The following APC variants were observed in gnomAD, a reference collection of about 807,000 sequenced individuals.
APC encodes the protein adenomatous polyposis coli protein.
In APC, 72 loss-of-function variants were observed where a neutral mutation model predicts 247.0. The ratio of observed to expected loss-of-function variants is 0.29; its 90% CI spans 0.24 to 0.35. APC has a LOEUF of 0.35. Among genes scored for constraint, APC ranks in the 10% least tolerant of loss-of-function variants. The pLI is 1.00. For missense variants in APC, 3,400 were observed against 3,360.7 expected (o/e 1.01, Z -0.29); for synonymous variants, 1,254 against 1,162.5 (o/e 1.08, Z -1.60).
At position 112,819,303 on chromosome 5, in the gene APC, A is replaced by G. The variant is rs2149783544; in HGVS notation, c.1271A>G (p.Gln424Arg). ...TACTGTGAAACCTGTTGGGAGTGGCAGGAAGCTCATGAACCAGGCATGGAC... is the reference window on the plus strand; with the variant it reads ...TACTGTGAAACCTGTTGGGAGTGGCGGGAAGCTCATGAACCAGGCATGGAC... ...RAYCETCWEW[Q>R]EAHEPGMDQD... The change falls in exon 10 of 16, where the codon CAG (glutamine) becomes CGG (arginine). Residue 424 changes from glutamine to arginine, a missense_variant. Gln to Arg is a conservative substitution (Grantham distance 43). Around this residue, in one of 9 missense-constraint regions of APC, gnomAD observed 199 missense variants for 212.5 expected, o/e 0.94. Coordinates refer to ENST00000257430, the MANE Select transcript of APC (RefSeq NM_000038.6). The G allele has an allele frequency of 6.2e-7, 1 of 1,614,102 alleles. No individual in the cohort carries two copies. The highest frequency in any genetic ancestry group is 8.5e-7 in the Non-Finnish European group (1 of 1,179,980).
intron 1 of APC, among the ~76,000 whole-genome samples, chr5:112,726,215 T>A (rs1215022998): frequency 6.6e-6 from 1 of 152,224 alleles, no homozygotes; most frequent in Non-Finnish European, 1.5e-5. Context: ...GTTAACCAGC[T>A]AAGTACCCTC....
In APC at chr5:112,801,286, C is replaced by G. The variant is rs754667638; in HGVS notation, c.737C>G (p.Ser246Cys). 7 of 1,612,448 alleles carry G rather than the reference C, an allele frequency of 4.3e-6. No individual in the cohort carries two copies. The highest frequency in any genetic ancestry group is 5.9e-6 in the Non-Finnish European group (7 of 1,178,906). ...QSQATEAERS[S>C]QNKHETGSHD... Reference sequence around the variant, plus strand: ...TTAACTCCATCTTAACAGAGGTCATCTCAGAACAAGCATGAAACCGGCTCA... The same window carrying G: ...TTAACTCCATCTTAACAGAGGTCATGTCAGAACAAGCATGAAACCGGCTCA... The change falls in exon 8 of 16, where the codon TCT (serine) becomes TGT (cysteine). Residue 246 changes from serine (S) to cysteine (C), a missense_variant. Physicochemically the swap from Ser to Cys is moderately radical, Grantham distance 112. Transcript: ENST00000257430.
At chr5:112,714,698 C>A (rs1479987269) in intron 1 of APC, among the ~76,000 whole-genome samples, 3 of 152,146 alleles carry the variant, frequency 2.0e-5, no homozygotes, top group African/African-American at 7.2e-5. Context: ...TTTAGTATCA[C>A]CACTACTGAA....
At chr5:112,801,206 A>C in intron 7 of APC, 73 bp from the exon 8 acceptor site, 1 of 1,274,608 alleles carries the variant, frequency 7.8e-7, no homozygotes, top group Non-Finnish European at 1.1e-6. Flanking sequence ...TAAAGCAAAA[A>C]AAGAAAAAAA....
intron 2 of APC, among the ~76,000 whole-genome samples, chr5:112,765,379 G>A (rs1229759847): frequency 1.3e-5 from 2 of 152,130 alleles, no homozygotes; most frequent in African/African-American, 2.4e-5. Context: ...CTCCCAAAGC[G>A]TTGAGGTTAC....
At chr5:112,818,164 C>T (rs77378981) in intron 9 of APC, among the ~76,000 whole-genome samples, 1 of 152,182 alleles carries the variant, frequency 6.6e-6, no homozygotes, top group Non-Finnish European at 1.5e-5. Context: ...CAGTTGAGAA[C>T]CATTGACTTA....
chr5:112,729,832 C>T (rs959033253), intron 1 of APC, among the ~76,000 whole-genome samples: 2 of 152,144 alleles, frequency 1.3e-5, no homozygotes, highest in African/African-American at 4.8e-5. Context: ...ATTTTGCATG[C>T]ATAAGTTTTA....
At chr5:112,755,648 G>A (rs1754888016) in intron 2 of APC, among the ~76,000 whole-genome samples, 1 of 152,194 alleles carries the variant, frequency 6.6e-6, no homozygotes, top group South Asian at 2.1e-4. Flanking sequence ...AAATAGTACT[G>A]AAAAGTTCTG....
intron 1 of APC, among the ~76,000 whole-genome samples, chr5:112,715,756 A>G (rs1751134772): frequency 6.6e-6 from 1 of 152,168 alleles, no homozygotes; most frequent in African/African-American, 2.4e-5. Context: ...AGTACCTGTC[A>G]TCTTGAGCGT....
At chr5:112,768,842 A>G (rs1419983123) in intron 4 of APC, among the ~76,000 whole-genome samples, 3 of 151,362 alleles carry the variant, frequency 2.0e-5, no homozygotes, top group Non-Finnish European at 4.4e-5. Flanking sequence ...AGTCCTGTAC[A>G]GTAGCGTAGA....
At chr5:112,775,806 C>A (rs922917029) in intron 5 of APC, 69 bp downstream of exon 5, 1 of 854,424 alleles carries the variant, frequency 1.2e-6, no homozygotes. Context: ...CCTAGGTAAT[C>A]CATTAAAATT....
In APC at chr5:112,842,715, G is replaced by A. The variant is rs759336152; in HGVS notation, c.7121G>A (p.Ser2374Asn). 6.2e-7 allele frequency: 1 copy of A among 1,613,796 alleles called. No individual in the cohort carries two copies. The part of the protein sequence containing the change: ...MSYTSPGRQM[S>N]QQNLTKQTGL... Reference sequence around the variant, plus strand: ...TATACATCTCCAGGTAGACAGATGAGCCAACAGAACCTTACCAAACAAACA... The same window carrying A: ...TATACATCTCCAGGTAGACAGATGAACCAACAGAACCTTACCAAACAAACA... The change falls in exon 16 of 16, where the codon AGC becomes AAC. Residue 2374 changes from serine (S) to asparagine (N), a missense_variant. Physicochemically the swap from Ser to Asn is conservative, Grantham distance 46 (BLOSUM62 1). This residue lies in a region of APC where 1,788 missense variants were observed against 1,649.5 expected (regional missense o/e 1.08). Transcript: ENST00000257430.
intron 4 of APC, among the ~76,000 whole-genome samples, chr5:112,770,527 T>C (rs150915564): frequency 0.026 from 3,914 of 152,250 alleles, 100 homozygotes; most frequent in Non-Finnish European, 0.041. Context: ...TATTACACTC[T>C]ATAAAAAGTT....
At chr5:112,829,888 G>A (rs1233220784) in intron 14 of APC, 1 of 152,118 alleles carries the variant, frequency 6.6e-6, no homozygotes, top group African/African-American at 2.4e-5. Flanking sequence ...TTTGTTTACA[G>A]AAGGAAATAT....
intron 1 of APC, among the ~76,000 whole-genome samples, chr5:112,731,765 T>G (rs1018686527): frequency 2.6e-5 from 4 of 152,230 alleles, no homozygotes; most frequent in East Asian, 3.8e-4. Flanking sequence ...TTTTTGGTTT[T>G]GTTTTGTTTT....
At chr5:112,737,415 C>G (rs567736805), upstream of APC, among the ~76,000 whole-genome samples, 1 of 152,206 alleles carries the variant, frequency 6.6e-6, no homozygotes, top group African/African-American at 2.4e-5. Context: ...AGTGATCTAT[C>G]TAACAAGTCA....
At chr5:112,820,621 G>A (rs528993843) in intron 10 of APC, among the ~76,000 whole-genome samples, 137 of 152,234 alleles carry the variant, frequency 9.0e-4, no homozygotes, top group African/African-American at 2.8e-3. Context: ...CCACAGTTAC[G>A]TAATGACCCA....
chr5:112,817,964 G>A (rs998326634), intron 9 of APC, among the ~76,000 whole-genome samples: 2 of 152,128 alleles, frequency 1.3e-5, no homozygotes, highest in South Asian at 2.1e-4. Context: ...GTGTATTTAC[G>A]CATCTAAAGC....
At chr5:112,765,784 A>G (rs1756228318) in intron 2 of APC, among the ~76,000 whole-genome samples, 1 of 152,230 alleles carries the variant, frequency 6.6e-6, no homozygotes, top group African/African-American at 2.4e-5. Context: ...GAAGAAAAGC[A>G]TCAAAAGTCA....
Sources: allele counts gnomAD v4.1 joint callset (sites outside exome capture counted in the v4.1 genomes callset), GRCh38; gene constraint gnomAD v4.1.1; regional missense constraint gnomAD v4.1.1; transcripts MANE v1.5; gene names NCBI Gene and HGNC (gene_info 2026-07-23, HGNC 2026-07-21).